PYM1: variants seen among roughly 807,000 people sequenced by gnomAD.
The protein encoded by PYM1 is PYM1 exon junction complex associated factor, also known as partner of Y14 and mago.
A neutral mutation model predicts 20.7 loss-of-function variants in PYM1; 7 were observed. The observed-to-expected ratio is 0.34, with a 90% CI of 0.19 to 0.64. The LOEUF (loss-of-function observed/expected upper bound fraction) is 0.64. PYM1 is among the 30% of genes least tolerant of loss of function. PYM1 has a pLI of 0.74. For missense variants in PYM1, 194 were observed against 250.0 expected (o/e 0.78, Z 1.51); for synonymous variants, 100 against 99.2 (o/e 1.01, Z -0.05).
intron 1 of PYM1, among the ~76,000 whole-genome samples, chr12:55,922,197 C>T (rs897909531): frequency 2.0e-5 from 3 of 151,996 alleles, no homozygotes; most frequent in Non-Finnish European, 4.4e-5. Flanking sequence ...GAGCACAACT[C>T]TCTACTCCTT....
At chr12:55,905,807 GTT>G in intron 1 of PYM1, among the ~76,000 whole-genome samples, 1 of 119,930 alleles carries the variant, frequency 8.3e-6, no homozygotes, top group Non-Finnish European at 1.7e-5. Context: ...AAATAAATAA[GTT>G]TTCAAAAATT....
At chr12:55,927,661 C>A in intron 1 of PYM1, 64 bp downstream of exon 1, 1 of 1,528,840 alleles carries the variant, frequency 6.5e-7, no homozygotes. Context: ...GTCGGCCAAC[C>A]CACTCAACCA....
intron 1 of PYM1, among the ~76,000 whole-genome samples, chr12:55,923,322 T>C (rs569249926): frequency 1.2e-4 from 18 of 152,078 alleles, no homozygotes; most frequent in Non-Finnish European, 2.1e-4. Flanking sequence ...TTCTAGCACT[T>C]TGGGAGGCCA....
intron 1 of PYM1, among the ~76,000 whole-genome samples, chr12:55,923,592 A>G (rs774411591): frequency 2.0e-5 from 3 of 151,872 alleles, no homozygotes; most frequent in Non-Finnish European, 4.4e-5. Context: ...AACTAATGAA[A>G]TGATGTATGG....
At chr12:55,923,798 C>T (rs1208245309) in intron 1 of PYM1, among the ~76,000 whole-genome samples, 2 of 152,032 alleles carry the variant, frequency 1.3e-5, no homozygotes, top group African/African-American at 4.8e-5. Flanking sequence ...AAAGAAATGG[C>T]TAGGCGTGGT....
intron 1 of PYM1, among the ~76,000 whole-genome samples, chr12:55,916,755 G>GCA (rs1332732340): frequency 5.9e-5 from 9 of 151,946 alleles, no homozygotes; most frequent in Non-Finnish European, 1.3e-4. Context: ...CCGAGGTCAG[G>GCA]CCATTGCACT....
intron 1 of PYM1, among the ~76,000 whole-genome samples, chr12:55,911,896 G>C (rs999936285): frequency 3.0e-4 from 46 of 151,932 alleles, no homozygotes; most frequent in Admixed American, 2.6e-3. Context: ...TAACCCATCT[G>C]ATGAGAACTT....
intron 2 of PYM1, among the ~76,000 whole-genome samples, chr12:55,902,914 C>T (rs545792987): frequency 1.3e-3 from 192 of 152,244 alleles, no homozygotes; most frequent in Admixed American, 3.5e-3. Context: ...ATTACAGGCT[C>T]GTGCCACCAC....
chr12:55,911,978 A>G (rs1410016874), intron 1 of PYM1, among the ~76,000 whole-genome samples: 1 of 152,184 alleles, frequency 6.6e-6, no homozygotes, highest in African/African-American at 2.4e-5. Context: ...GTCAGAGCTT[A>G]GTCCTCATGT....
chr12:55,926,936 G>T, intron 1 of PYM1: 4 of 883,792 alleles, frequency 4.5e-6, no homozygotes, highest in Non-Finnish European at 6.8e-6. Context: ...CACCCCGTAG[G>T]AGAGAATGAA....
intron 1 of PYM1, among the ~76,000 whole-genome samples, chr12:55,905,565 G>C (rs1882780798): frequency 1.3e-5 from 2 of 149,824 alleles, no homozygotes; most frequent in African/African-American, 4.9e-5. Context: ...AGCTGGGCGT[G>C]GTGGCAGGCG....
At chr12:55,916,975 ACCTGTAATC>A (rs1236516128) in intron 1 of PYM1, among the ~76,000 whole-genome samples, 4 of 150,678 alleles carry the variant, frequency 2.7e-5, no homozygotes, top group African/African-American at 9.8e-5. Flanking sequence ...GGTGGCGCAC[ACCTGTAATC>A]CCAGCTACTT....
intron 1 of PYM1, among the ~76,000 whole-genome samples, chr12:55,920,550 A>C (rs1260867835): frequency 6.6e-6 from 1 of 151,874 alleles, no homozygotes; most frequent in Non-Finnish European, 1.5e-5. Context: ...AGGCAGGAGA[A>C]TCACTTGAGC....
chr12:55,908,450 AAAAAAG>A (rs980916415), intron 1 of PYM1, among the ~76,000 whole-genome samples: 6 of 151,648 alleles, frequency 4.0e-5, no homozygotes, highest in African/African-American at 1.4e-4. Flanking sequence ...AAGAAGAAAG[AAAAAAG>A]AAAAAAAGAC....
rs189948805 is a variant in PYM1, at chr12:55,917,032, G to A, written c.37+10693C>T. Among the ~76,000 whole-genome samples the A allele has an allele frequency of 2.4e-3, 361 of 152,096 alleles. 3 individuals are homozygous for A. Among genetic ancestry groups the A allele is most frequent in the South Asian group, 0.014 (65 of 4,810 alleles). On this transcript the variant is annotated intron_variant, in intron 1 of 2. Coordinates refer to ENST00000408946, the MANE Select transcript of PYM1 (RefSeq NM_032345.3). ...TGGGAGGATCACTTGAACCCAGGAG[G>A]TCAAGCCAGCAGTAAACTGCAATCA...
At chr12:55,921,945 C>T (rs1000956503) in intron 1 of PYM1, among the ~76,000 whole-genome samples, 7 of 152,098 alleles carry the variant, frequency 4.6e-5, no homozygotes, top group Admixed American at 2.0e-4. Flanking sequence ...GGCACAATCA[C>T]GGCTCAATGC....
At chr12:55,909,079 G>A (rs1882875750) in intron 1 of PYM1, among the ~76,000 whole-genome samples, 1 of 151,998 alleles carries the variant, frequency 6.6e-6, no homozygotes, top group South Asian at 2.1e-4. Flanking sequence ...TGAAAAATGG[G>A]GTAATCGCAG....
rs375445655 is a variant in PYM1 at position 55,910,043 on chromosome 12, A to C, written c.38-6563T>G. ...AGGGAGACCCCTGTCTTTACGAACT[A>C]TACAAAAATTAGCTGTGTATGGTTA... On this transcript the variant is annotated intron_variant, in intron 1 of 2. Coordinates refer to ENST00000408946, the MANE Select transcript of PYM1 (RefSeq NM_032345.3). 3.7e-4 allele frequency among the ~76,000 whole-genome samples: 57 copies of C among 152,204 alleles called. 2 individuals are homozygous for C. In the East Asian group the frequency reaches 4.1e-3, roughly 11 times the overall value.
intron 1 of PYM1, chr12:55,914,363 A>G (rs1474139285): frequency 1.4e-6 from 1 of 702,280 alleles, no homozygotes; most frequent in East Asian, 2.7e-5. Flanking sequence ...GGCGGTTCCC[A>G]CCCCTAGAAA....
Sources: gnomAD v4.1 joint callset for allele counts (sites outside exome capture counted in the v4.1 genomes callset) on GRCh38, gnomAD v4.1.1 for gene constraint, MANE v1.5 for transcripts, NCBI Gene and HGNC (gene_info 2026-07-23, HGNC 2026-07-21) for gene names.